Variants in ATP2C1 observed in about 807,000 individuals in gnomAD.
ATP2C1 encodes the protein ATPase secretory pathway Ca2+ transporting 1.
ATP2C1 carries 31 observed loss-of-function variants against 120.5 expected under a neutral mutation model. The observed-to-expected ratio is 0.26, with a 90% CI of 0.19 to 0.35. ATP2C1 has a LOEUF of 0.35. Ranked by LOEUF, ATP2C1 falls within the 10% of genes least tolerant of loss-of-function variation. The pLI is 1.00. For missense variants in ATP2C1, 731 were observed against 1,107.5 expected (o/e 0.66, Z 4.83); for synonymous variants, 351 against 358.7 (o/e 0.98, Z 0.24).
intron 20 of ATP2C1, among the ~76,000 whole-genome samples, chr3:130,990,897 A>G (rs1475447635): frequency 6.6e-6 from 1 of 152,186 alleles, no homozygotes; most frequent in African/African-American, 2.4e-5. Context: ...ACTTTTCACT[A>G]ACAGAGGATA....
chr3:130,942,147 T>C (rs1230166704), intron 8 of ATP2C1, among the ~76,000 whole-genome samples: 3 of 152,176 alleles, frequency 2.0e-5, no homozygotes, highest in East Asian at 3.8e-4. Flanking sequence ...GCAGTGATAA[T>C]TGAAGAGTAG....
At chr3:130,942,471 C>T (rs852214) in intron 8 of ATP2C1, among the ~76,000 whole-genome samples, 70,937 of 152,010 alleles carry the variant, frequency 0.47, 18,867 homozygotes, top group Middle Eastern at 0.64. Context: ...AGGTCTTATC[C>T]ACCATTGGAA....
intron 26 of ATP2C1, chr3:131,015,963 A>G: frequency 1.3e-6 from 1 of 789,104 alleles, no homozygotes; most frequent in Non-Finnish European, 2.1e-6. Context: ...AAATAATTTA[A>G]TATTTTTCCC....
intron 13 of ATP2C1, 60 bp from the exon 14 acceptor site, chr3:130,964,888 T>C: frequency 7.9e-7 from 1 of 1,263,838 alleles, no homozygotes; most frequent in East Asian, 2.3e-5. Flanking sequence ...ATTTGTTTTT[T>C]AAGTGAACCT....
At chr3:130,988,826 T>G (rs557094547) in intron 20 of ATP2C1, among the ~76,000 whole-genome samples, 90 of 152,330 alleles carry the variant, frequency 5.9e-4, no homozygotes, top group African/African-American at 2.0e-3. Context: ...AGTCTCCACT[T>G]CAGCCTCTGA....
chr3:130,934,763 G>C lies in ATP2C1; in HGVS notation c.324+52G>C, dbSNP rs778943713. On this transcript the variant is annotated intron_variant, in intron 5 of 27. Coordinates refer to ENST00000510168, the MANE Select transcript of ATP2C1 (RefSeq NM_001378687.1). ...TCTGTTGAGTAAGTGTATAAATTGGGATTGGTTTTTATTTTGGAAAATAAA... is the reference window on the plus strand; with the variant it reads ...TCTGTTGAGTAAGTGTATAAATTGGCATTGGTTTTTATTTTGGAAAATAAA... 4 of 1,267,372 alleles carry C rather than the reference G, an allele frequency of 3.2e-6. No homozygotes were observed. In the African/African-American group the frequency reaches 5.9e-5, roughly 19 times the overall value. 78.5% of individuals were successfully genotyped at this position (1,267,372 alleles called of 1,614,324 possible). A position where few individuals can be genotyped will look rare whatever the true frequency, so the allele number is the denominator to read the frequency against.
intron 26 of ATP2C1, among the ~76,000 whole-genome samples, chr3:131,010,424 GA>G (rs1353615384): frequency 2.6e-5 from 4 of 152,066 alleles, no homozygotes; most frequent in Non-Finnish European, 4.4e-5. Context: ...TCGATCTCCT[GA>G]CCTCGTGATC....
intron 14 of ATP2C1, 80 bp from the exon 15 acceptor site, chr3:130,967,065 T>C (rs2061078925): frequency 3.2e-6 from 3 of 945,772 alleles, no homozygotes; most frequent in East Asian, 2.4e-5. Flanking sequence ...GAACTCATTA[T>C]AGTTTTTGGG....
chr3:130,901,674 A>G (rs571194937), intron 2 of ATP2C1, among the ~76,000 whole-genome samples: 2 of 152,056 alleles, frequency 1.3e-5, no homozygotes, highest in African/African-American at 2.4e-5. Context: ...TCATGATGTG[A>G]GGCTCATATA....
At chr3:130,991,568 A>G (rs1319811720) in intron 20 of ATP2C1, among the ~76,000 whole-genome samples, 1 of 152,134 alleles carries the variant, frequency 6.6e-6, no homozygotes, top group African/African-American at 2.4e-5. Flanking sequence ...AAGAAAAAAA[A>G]GGGAAAGGGT....
At chr3:130,884,908 GTTTCTTTTC>G (rs931871438) in intron 1 of ATP2C1, among the ~76,000 whole-genome samples, 30 of 136,648 alleles carry the variant, frequency 2.2e-4, no homozygotes, top group South Asian at 9.7e-4. Context: ...GGTGAAGTGT[GTTTCTTTTC>G]TTTCTTTTCT....
Position 130,996,916 on chromosome 3 carries a change from T to C in ATP2C1, c.2243+120T>C. ...AAACTTTGCAGCAAATGTTTTAACA[T>C]TTATGTTATAAATTGTGTGATGTGT... On this transcript the variant is annotated intron_variant, in intron 24 of 27. Coordinates refer to ENST00000510168, the MANE Select transcript of ATP2C1 (RefSeq NM_001378687.1). The C allele has an allele frequency of 5.1e-6, 4 of 779,244 alleles. No individual in the cohort carries two copies. In the South Asian group the frequency reaches 5.7e-5, roughly 11 times the overall value. The allele number at this position is 779,244 out of a possible 1,614,324, so 48.3% of individuals were successfully genotyped here.
chr3:130,936,456 C>G (rs1168527332), intron 5 of ATP2C1, among the ~76,000 whole-genome samples: 3 of 152,162 alleles, frequency 2.0e-5, no homozygotes, highest in African/African-American at 7.2e-5. Context: ...AAGTAACTAG[C>G]ACTTGAGTTT....
Position 130,894,647 on chromosome 3 carries a change from G to C in ATP2C1, c.-123G>C. 6.2e-7 allele frequency: 1 copy of C among 1,606,308 alleles called. No homozygotes were observed. Among genetic ancestry groups the C allele is most frequent in the Non-Finnish European group, 8.5e-7 (1 of 1,175,248 alleles). On this transcript the variant is annotated 5_prime_UTR_variant, in exon 2 of 28. Coordinates refer to ENST00000510168, the MANE Select transcript of ATP2C1 (RefSeq NM_001378687.1). The surrounding 1 kb of genome is among the most constrained non-coding windows in gnomAD (Gnocchi z 4.5). ...GGGACGCGTGGCCGGGAGCGGGGGT[G>C]ACAGCCTGGGATTCCGGGGGCTTCT...
chr3:130,895,648 T>C (rs2069556144), intron 2 of ATP2C1, among the ~76,000 whole-genome samples: 1 of 152,214 alleles, frequency 6.6e-6, no homozygotes, highest in Admixed American at 6.5e-5. Flanking sequence ...TCCTCTGGTA[T>C]AATTTGTTTT....
chr3:130,893,897 G>C (rs944675975), upstream of ATP2C1: 20 of 982,190 alleles, frequency 2.0e-5, no homozygotes, highest in Admixed American at 9.2e-4. Context: ...TGTCCATTCC[G>C]GGCCGAAGTC....
At position 130,880,096 on chromosome 3, in the gene ATP2C1, T is replaced by C. The variant is rs541964096; in HGVS notation, c.108+29168T>C. Among the ~76,000 whole-genome samples, 3 of 152,326 alleles carry C rather than the reference T, an allele frequency of 2.0e-5. No homozygotes were observed. The South Asian group carries it at 6.2e-4, about 32-fold the overall frequency. On this transcript the variant is annotated intron_variant, in intron 1 of 26. Transcript: ENST00000504381. ...GGAATGGATGTTTGAGGATTACTTA[T>C]GACATTCATTAAAAGATATACTATA... is the stretch of plus-strand genomic sequence containing the variant.
chr3:130,919,349 C>G (rs1486184843), intron 2 of ATP2C1, among the ~76,000 whole-genome samples: 1 of 151,746 alleles, frequency 6.6e-6, no homozygotes, highest in African/African-American at 2.4e-5. Context: ...CTCAGCCTCC[C>G]GAGTAGTTGG....
At chr3:130,897,579 T>C (rs906890208) in intron 2 of ATP2C1, among the ~76,000 whole-genome samples, 2 of 152,166 alleles carry the variant, frequency 1.3e-5, no homozygotes, top group Non-Finnish European at 2.9e-5. Context: ...GAATTGATAG[T>C]GTTTCCCTAG....
Sources: gnomAD v4.1 joint callset for allele counts (sites outside exome capture counted in the v4.1 genomes callset) on GRCh38, gnomAD v4.1.1 for gene constraint, Gnocchi (gnomAD v3.1) non-coding constraint, MANE v1.5 for transcripts, NCBI Gene and HGNC (gene_info 2026-07-23, HGNC 2026-07-21) for gene names.